The following SPINK5 variants were observed in gnomAD, a reference collection of about 807,000 sequenced individuals.
SPINK5 encodes serine peptidase inhibitor Kazal type 5, also known as serine protease inhibitor Kazal-type 5.
In SPINK5, 125 loss-of-function variants were observed where a neutral mutation model predicts 151.8. The observed-to-expected ratio is 0.82, with a 90% CI of 0.71 to 0.96. The LOEUF (loss-of-function observed/expected upper bound fraction) is 0.96. SPINK5 is among the 40% of genes least tolerant of loss of function. SPINK5 has a pLI of 0.00. For missense variants in SPINK5, 1,194 were observed against 1,291.9 expected (o/e 0.92, Z 1.16); for synonymous variants, 374 against 395.3 (o/e 0.95, Z 0.64).
chr5:148,092,224 T>G (rs1231312748), intron 8 of SPINK5, among the ~76,000 whole-genome samples: 1 of 151,930 alleles, frequency 6.6e-6, no homozygotes, highest in African/African-American at 2.4e-5. Context: ...GCCCACCTTT[T>G]GGTAGTCAAG....
In SPINK5 at chr5:148,101,784, T is replaced by G. The variant is rs746018606; in HGVS notation, c.1306T>G (p.Leu436Val). The change falls in exon 15 of 33, where the codon TTG (leucine) becomes GTG (valine). Residue 436 changes from leucine (L) to valine (V), a missense_variant. Leu to Val is a conservative substitution (Grantham distance 32). Transcript: ENST00000256084. Reference sequence around the variant, plus strand: ...ACTTCCTGCCTCAATTTCACAGGAGTTGTGTAGTGAATACCGCAAATCCAG... The same window carrying G: ...ACTTCCTGCCTCAATTTCACAGGAGGTGTGTAGTGAATACCGCAAATCCAG... Reference protein sequence around the residue: ...QSKSTASFEELCSEYRKSRKN... With the variant: ...QSKSTASFEEVCSEYRKSRKN... 5.6e-6 allele frequency: 9 copies of G among 1,613,504 alleles called. No homozygotes were observed. Among genetic ancestry groups the G allele is most frequent in the Non-Finnish European group, 7.6e-6 (9 of 1,179,674 alleles).
intron 18 of SPINK5, among the ~76,000 whole-genome samples, chr5:148,110,831 C>T (rs1753906190): frequency 6.6e-6 from 1 of 151,340 alleles, no homozygotes. Flanking sequence ...TTATTAGCCC[C>T]CTCATGCAAA....
intron 1 of SPINK5, 67 bp from the exon 2 acceptor site, chr5:148,065,280 G>T (rs1752549400): frequency 6.5e-7 from 1 of 1,541,316 alleles, no homozygotes; most frequent in East Asian, 2.3e-5. Context: ...GCATTAAATG[G>T]ATTATTTGTT....
chr5:148,064,736 TAG>T (rs1327931182), intron 1 of SPINK5, among the ~76,000 whole-genome samples: 1 of 152,076 alleles, frequency 6.6e-6, no homozygotes, highest in Non-Finnish European at 1.5e-5. Context: ...AACTCATAGA[TAG>T]TCTGAAATCA....
intron 32 of SPINK5, among the ~76,000 whole-genome samples, chr5:148,135,350 T>C (rs1754672296): frequency 6.6e-6 from 1 of 152,188 alleles, no homozygotes; most frequent in South Asian, 2.1e-4. Flanking sequence ...TAGACCACAC[T>C]TCCCTGTAAC....
At chr5:148,095,409 A>G (rs1351530944) in intron 9 of SPINK5, among the ~76,000 whole-genome samples, 1 of 151,970 alleles carries the variant, frequency 6.6e-6, no homozygotes, top group Non-Finnish European at 1.5e-5. Flanking sequence ...CACTCTCAAG[A>G]AGCTTAAGTT....
rs1394583450 is a variant in SPINK5 at position 148,099,235 on chromosome 5, C to T, written c.1012C>T (p.Gln338Ter). ...TGCTTCTTTTTCCCTCTTATTCAGC[C>T]AAGCAGAAAATGAAGAAAAGAAAAA... ...NLCSMCQAYF[Q>*]AENEEKKKAE... Residue 338 changes from glutamine (Q) to a stop codon, truncating the protein, a stop_gained and splice_region_variant, in exon 12 of 33, where the codon CAA (glutamine) becomes TAA (stop). Coordinates refer to ENST00000256084, the MANE Select transcript of SPINK5 (RefSeq NM_006846.4). LOFTEE classifies it high-confidence loss of function. 6.2e-7 allele frequency: 1 copy of T among 1,608,238 alleles called. No homozygotes were observed. Among genetic ancestry groups the T allele is most frequent in the Non-Finnish European group, 8.5e-7 (1 of 1,176,950 alleles).
At chr5:148,121,884 C>T (rs1754276103) in intron 26 of SPINK5, among the ~76,000 whole-genome samples, 2 of 151,642 alleles carry the variant, frequency 1.3e-5, no homozygotes, top group South Asian at 4.2e-4. Context: ...GAGAGGATCA[C>T]TTGAGCCCAT....
chr5:148,101,349 T>G lies in SPINK5; in HGVS notation c.1221-6T>G, dbSNP rs769820170. 3.7e-6 allele frequency: 6 copies of G among 1,601,160 alleles called. No homozygotes were observed. Among genetic ancestry groups the G allele is most frequent in the Non-Finnish European group, 4.3e-6 (5 of 1,168,402 alleles). ...TACTTATCTCTTCTTAACCATCCTT[T>G]TTTAGCCAAGCAGAAGAAGAAGAAA... On this transcript the variant is annotated splice_region_variant and splice_polypyrimidine_tract_variant and intron_variant, in intron 13 of 32. Transcript: ENST00000256084.
chr5:148,074,964 A>T (rs1033819194), intron 4 of SPINK5, among the ~76,000 whole-genome samples: 1 of 151,678 alleles, frequency 6.6e-6, no homozygotes, highest in Non-Finnish European at 1.5e-5. Context: ...TGATTTCTTC[A>T]GGTTAATCTT....
Position 148,108,795 on chromosome 5 carries a change from A to T in SPINK5, c.1650A>T (p.Lys550Asn). Residue 550 changes from lysine (K) to asparagine (N), a missense_variant, in exon 18 of 33, where the codon AAA becomes AAT. Lys to Asn is a moderately conservative substitution (Grantham distance 94). Coordinates refer to ENST00000256084, the MANE Select transcript of SPINK5 (RefSeq NM_006846.4). ...AGAAGAAAAATGATAAAGAAGAAAA[A>T]GGGAAAGTCGAGGCTGAAAAAGTTA... ...EEEKKNDKEE[K>N]GKVEAEKVKR... is the part of the protein sequence containing the mutation. The T allele has an allele frequency of 6.2e-7, 1 of 1,611,926 alleles. No homozygotes were observed. Among genetic ancestry groups the T allele is most frequent in the Non-Finnish European group, 8.5e-7 (1 of 1,178,450 alleles).
chr5:148,082,542 T>C (rs1350575254), intron 4 of SPINK5, among the ~76,000 whole-genome samples: 2 of 151,124 alleles, frequency 1.3e-5, no homozygotes, highest in Admixed American at 6.6e-5. Flanking sequence ...GATTATTTGT[T>C]ATTTCTTAAG....
intron 8 of SPINK5, among the ~76,000 whole-genome samples, chr5:148,091,665 C>A (rs1047696756): frequency 3.6e-4 from 55 of 151,068 alleles, no homozygotes; most frequent in African/African-American, 1.3e-3. Flanking sequence ...TCCACTAGTG[C>A]ATTTTATGTG....
At chr5:148,136,781 C>A (rs866205022) in intron 32 of SPINK5, among the ~76,000 whole-genome samples, 16 of 152,314 alleles carry the variant, frequency 1.1e-4, no homozygotes, top group South Asian at 6.2e-4. Context: ...TTTGTGTCCA[C>A]CTCAACACGT....
intron 4 of SPINK5, among the ~76,000 whole-genome samples, chr5:148,077,421 AAG>A (rs1752912683): frequency 2.0e-5 from 3 of 151,074 alleles, no homozygotes; most frequent in Non-Finnish European, 3.0e-5. Flanking sequence ...TACTGTACTA[AAG>A]AAATCTGAGA....
chr5:148,124,288 T>C (rs1754371439), intron 27 of SPINK5, among the ~76,000 whole-genome samples: 1 of 152,186 alleles, frequency 6.6e-6, no homozygotes. Context: ...TTCAAGGACA[T>C]TTTAAAAATG....
intron 10 of SPINK5, 104 bp downstream of exon 10, chr5:148,096,009 A>T (rs923446885): frequency 5.5e-6 from 5 of 910,454 alleles, no homozygotes; most frequent in Admixed American, 2.0e-5. Flanking sequence ...ATATTGTTTA[A>T]TATTTTCCAC....
intron 27 of SPINK5, 150 bp from the exon 28 acceptor site, chr5:148,124,615 G>T: frequency 1.9e-6 from 1 of 539,772 alleles, no homozygotes; most frequent in Non-Finnish European, 3.0e-6. Flanking sequence ...GAACTGATTA[G>T]CTTATAAAAA....
intron 31 of SPINK5, among the ~76,000 whole-genome samples, chr5:148,131,827 C>T (rs1347499693): frequency 6.6e-6 from 1 of 152,066 alleles, no homozygotes; most frequent in African/African-American, 2.4e-5. Context: ...TTTCTTTAAC[C>T]CTGCCTCTTG....
Sources: gnomAD v4.1 joint callset for allele counts (sites outside exome capture counted in the v4.1 genomes callset) on GRCh38, gnomAD v4.1.1 for gene constraint, MANE v1.5 for transcripts, NCBI Gene and HGNC (gene_info 2026-07-23, HGNC 2026-07-21) for gene names.